The following WDR7 variants were observed in gnomAD, a reference collection of about 807,000 sequenced individuals.
The protein encoded by WDR7 is WD repeat-containing protein 7.
Under a neutral mutation model 169.4 loss-of-function variants are expected in WDR7, and 46 were observed. That is an observed-to-expected ratio of 0.27 (90% CI 0.21 to 0.35). WDR7 has a LOEUF of 0.35. WDR7 is among the 10% of genes least tolerant of loss of function. The pLI, the probability that WDR7 is intolerant of heterozygous loss-of-function variation, is 1.00. For synonymous variants in WDR7, 612 were observed against 666.8 expected, an observed-to-expected ratio of 0.92 and a Z score of 1.27; for missense variants, 1,534 against 1,859.3, an observed-to-expected ratio of 0.83 and a Z score of 3.22.
At chr18:56,998,909 T>C (rs1295725715) in intron 26 of WDR7, among the ~76,000 whole-genome samples, 1 of 152,240 alleles carries the variant, frequency 6.6e-6, no homozygotes, top group African/African-American at 2.4e-5. Flanking sequence ...TTCTTGATTG[T>C]CCCAAGTTCT....
chr18:56,889,613 T>A (rs937885432), intron 21 of WDR7, among the ~76,000 whole-genome samples: 1 of 152,204 alleles, frequency 6.6e-6, no homozygotes, highest in African/African-American at 2.4e-5. Context: ...TTAAATTTTT[T>A]AAAAAGATTA....
At chr18:56,921,202 T>A (rs1175128486) in intron 21 of WDR7, among the ~76,000 whole-genome samples, 1 of 152,250 alleles carries the variant, frequency 6.6e-6, no homozygotes, top group African/African-American at 2.4e-5. Flanking sequence ...GTTATTTACA[T>A]GTTTTATTTG....
intron 26 of WDR7, among the ~76,000 whole-genome samples, chr18:56,996,727 A>G (rs2047904562): frequency 6.6e-6 from 1 of 152,198 alleles, no homozygotes. Context: ...AGGCTGCCTC[A>G]TTACTTCCTT....
chr18:56,950,208 A>G (rs921658430), intron 25 of WDR7, among the ~76,000 whole-genome samples: 14 of 152,232 alleles, frequency 9.2e-5, no homozygotes, highest in African/African-American at 3.4e-4. Context: ...CACACTGAAT[A>G]TTGAAACAAT....
At chr18:56,844,509 G>T (rs1355356787) in intron 20 of WDR7, among the ~76,000 whole-genome samples, 2 of 152,070 alleles carry the variant, frequency 1.3e-5, no homozygotes, top group African/African-American at 4.8e-5. Context: ...AAATAAAATT[G>T]TTATTCTTTT....
intron 21 of WDR7, among the ~76,000 whole-genome samples, chr18:56,889,659 C>G (rs1037561857): frequency 1.2e-4 from 18 of 152,108 alleles, no homozygotes; most frequent in African/African-American, 4.3e-4. Flanking sequence ...ACTGAAACAC[C>G]TGTGTTCTAA....
At position 56,760,932 on chromosome 18, in the gene WDR7, C is replaced by T. The variant is rs896228976; in HGVS notation, c.2848+1979C>T. 5.3e-5 allele frequency among the ~76,000 whole-genome samples: 8 copies of T among 152,158 alleles called. No individual in the cohort carries two copies. The South Asian group carries it at 6.2e-4, about 12-fold the overall frequency. On this transcript the variant is annotated intron_variant, in intron 16 of 27. Transcript: ENST00000254442. ...TTTTGATATGTGTATAATAGTGTCT[C>T]ATATGTTTAATTTGCATTCCTTTAC... is the stretch of plus-strand genomic sequence containing the variant.
chr18:56,748,488 T>C (rs2043738060), intron 14 of WDR7, among the ~76,000 whole-genome samples: 1 of 152,212 alleles, frequency 6.6e-6, no homozygotes, highest in African/African-American at 2.4e-5. Context: ...CTTTGAAAGA[T>C]ATTTTCTTTA....
chr18:56,679,191 T>A (rs2025306308), intron 2 of WDR7, 141 bp from the exon 3 acceptor site: 1 of 606,818 alleles, frequency 1.6e-6, no homozygotes, highest in Non-Finnish European at 2.7e-6. Flanking sequence ...GCTCCAGCAG[T>A]GCTTTGCAAG....
chr18:56,764,363 A>G (rs2044028556), intron 16 of WDR7, among the ~76,000 whole-genome samples: 1 of 151,958 alleles, frequency 6.6e-6, no homozygotes, highest in South Asian at 2.1e-4. Context: ...CAGATACTAT[A>G]TTTTGTGTGG....
intron 22 of WDR7, among the ~76,000 whole-genome samples, chr18:56,926,830 C>A (rs1335476010): frequency 1.3e-5 from 2 of 152,110 alleles, no homozygotes; most frequent in African/African-American, 4.8e-5. Context: ...GGAAAATGGC[C>A]TGTTACATCC....
intron 25 of WDR7, among the ~76,000 whole-genome samples, chr18:56,961,608 G>A (rs900546179): frequency 2.0e-5 from 3 of 152,132 alleles, no homozygotes; most frequent in Non-Finnish European, 4.4e-5. Context: ...CCTCAGCCAT[G>A]TAGACGTGAA....
intron 16 of WDR7, among the ~76,000 whole-genome samples, chr18:56,765,740 C>A (rs2044054282): frequency 1.7e-5 from 2 of 120,480 alleles, no homozygotes; most frequent in Middle Eastern, 5.2e-3. Flanking sequence ...TGGTAAAATT[C>A]TTCTAACAAA....
chr18:56,904,109 G>T lies in WDR7; in HGVS notation c.3527-19813G>T, dbSNP rs374987212. ...TTTTGAGATGGAGTCTTTCTCAGTT[G>T]CCCAGGATGGAGTGCAGTGGCGCGA... On this transcript the variant is annotated intron_variant, in intron 21 of 27. Transcript: ENST00000254442. Among the ~76,000 whole-genome samples the T allele has an allele frequency of 2.0e-3, 304 of 149,390 alleles. 1 individual carries two copies. Among genetic ancestry groups the T allele is most frequent in the South Asian group, 0.011 (54 of 4,706 alleles).
chr18:56,774,801 T>G (rs1251459932), intron 16 of WDR7, among the ~76,000 whole-genome samples: 1 of 152,126 alleles, frequency 6.6e-6, no homozygotes, highest in Non-Finnish European at 1.5e-5. Flanking sequence ...CAGAGATTTT[T>G]AAAGCATAGT....
At chr18:56,712,529 T>TA (rs1291898286) in intron 12 of WDR7, among the ~76,000 whole-genome samples, 1 of 152,238 alleles carries the variant, frequency 6.6e-6, no homozygotes. Context: ...AAAATAAAAA[T>TA]AGAGTTTTTA....
intron 2 of WDR7, among the ~76,000 whole-genome samples, chr18:56,677,950 ATT>A (rs2025276779): frequency 6.6e-6 from 1 of 151,624 alleles, no homozygotes; most frequent in Non-Finnish European, 1.5e-5. Context: ...ATGGCTTTTT[ATT>A]CTCTTTTCTT....
intron 19 of WDR7, among the ~76,000 whole-genome samples, chr18:56,789,216 T>A (rs985736788): frequency 6.6e-5 from 10 of 152,210 alleles, no homozygotes; most frequent in African/African-American, 2.4e-4. Context: ...GTTCTTTGAG[T>A]TAACATTTAA....
intron 2 of WDR7, 84 bp from the exon 3 acceptor site, chr18:56,679,248 A>G (rs1199682867): frequency 4.4e-6 from 5 of 1,134,630 alleles, no homozygotes; most frequent in East Asian, 2.5e-5. Flanking sequence ...CTAGTCTTCT[A>G]TTTTACTATG....
Sources: gnomAD v4.1 joint callset for allele counts (sites outside exome capture counted in the v4.1 genomes callset) on GRCh38, gnomAD v4.1.1 for gene constraint, MANE v1.5 for transcripts, NCBI Gene and HGNC (gene_info 2026-07-23, HGNC 2026-07-21) for gene names.